The following ITGAV variants were observed in gnomAD, a reference collection of about 807,000 sequenced individuals.
ITGAV encodes integrin alpha-V.
ITGAV carries 76 observed loss-of-function variants against 143.8 expected under a neutral mutation model. The observed-to-expected ratio is 0.53, with a 90% CI of 0.44 to 0.64. ITGAV has a LOEUF of 0.64. Ranked by LOEUF, ITGAV falls within the 30% of genes least tolerant of loss-of-function variation. The pLI, the probability that ITGAV is intolerant of heterozygous loss-of-function variation, is 0.00. For missense variants in ITGAV, 1,193 were observed against 1,274.7 expected, an observed-to-expected ratio of 0.94 and a Z score of 0.98; for synonymous variants, 453 against 446.7, an observed-to-expected ratio of 1.01 and a Z score of -0.18.
chr2:186,633,890 T>C (rs1288414018), intron 6 of ITGAV, among the ~76,000 whole-genome samples: 3 of 152,170 alleles, frequency 2.0e-5, no homozygotes, highest in Admixed American at 2.0e-4. Flanking sequence ...AAGCTGGGCA[T>C]GGTGGCGTGG....
chr2:186,664,883 C>G (rs548473925), intron 20 of ITGAV, among the ~76,000 whole-genome samples: 3 of 152,272 alleles, frequency 2.0e-5, no homozygotes, highest in African/African-American at 7.2e-5. Flanking sequence ...GATAAAGTGT[C>G]TAAGCCTGTC....
At chr2:186,612,004 G>A (rs535685898) in intron 2 of ITGAV, among the ~76,000 whole-genome samples, 3 of 152,270 alleles carry the variant, frequency 2.0e-5, no homozygotes, top group Non-Finnish European at 2.9e-5. Context: ...AAACAAGAAA[G>A]CATTATACCG....
At chr2:186,675,070 G>A (rs777369953) in intron 26 of ITGAV, among the ~76,000 whole-genome samples, 2 of 152,196 alleles carry the variant, frequency 1.3e-5, no homozygotes, top group Admixed American at 6.5e-5. Flanking sequence ...AGTGTGATCA[G>A]CATATAGAAG....
intron 10 of ITGAV, 114 bp downstream of exon 10, chr2:186,638,579 A>T: frequency 1.3e-6 from 1 of 753,364 alleles, no homozygotes. Flanking sequence ...CAAATAGATA[A>T]TTCTTCCAAC....
At chr2:186,621,105 A>G (rs1429950918) in intron 2 of ITGAV, among the ~76,000 whole-genome samples, 1 of 152,188 alleles carries the variant, frequency 6.6e-6, no homozygotes, top group Non-Finnish European at 1.5e-5. Context: ...TAAGACATCT[A>G]TAATTAGAGT....
intron 12 of ITGAV, among the ~76,000 whole-genome samples, chr2:186,646,033 A>G (rs1374241759): frequency 3.3e-5 from 5 of 152,098 alleles, no homozygotes; most frequent in Non-Finnish European, 1.5e-5. Context: ...TGCGGCAATG[A>G]CTTGTCTAGG....
chr2:186,615,823 A>C (rs1191107350), intron 2 of ITGAV, among the ~76,000 whole-genome samples: 1 of 152,096 alleles, frequency 6.6e-6, no homozygotes, highest in East Asian at 1.9e-4. Flanking sequence ...ATTGGCTAAT[A>C]TATCTACTCT....
In ITGAV at chr2:186,667,194, T is replaced by C. The variant is rs556336267; in HGVS notation, c.2291T>C (p.Val764Ala). ...DKVSPVVSHK[V>A]DLAVLAAVEI... ...GTAAGCCCAGTTGTATCTCACAAAGTTGATCTTGCTGTTTTAGCTGCAGTT... is the reference window on the plus strand; with the variant it reads ...GTAAGCCCAGTTGTATCTCACAAAGCTGATCTTGCTGTTTTAGCTGCAGTT... The change falls in exon 23 of 30, where the codon GTT becomes GCT. Residue 764 changes from valine (V) to alanine (A), a missense_variant. Transcript: ENST00000261023. 1 of 1,612,836 alleles carries C rather than the reference T, an allele frequency of 6.2e-7. No individual in the cohort carries two copies. The highest frequency in any genetic ancestry group is 1.1e-5 in the South Asian group (1 of 90,956).
At chr2:186,608,825 A>G (rs944765659) in intron 2 of ITGAV, among the ~76,000 whole-genome samples, 13 of 152,170 alleles carry the variant, frequency 8.5e-5, no homozygotes, top group Non-Finnish European at 1.8e-4. Flanking sequence ...CAGAACAAGA[A>G]TTTATTGGAA....
At chr2:186,609,294 A>G (rs1687148946) in intron 2 of ITGAV, among the ~76,000 whole-genome samples, 1 of 152,206 alleles carries the variant, frequency 6.6e-6, no homozygotes, top group Non-Finnish European at 1.5e-5. Context: ...GTTAGATAGT[A>G]TATCATTTAT....
chr2:186,614,464 T>C (rs1003055402), intron 2 of ITGAV, among the ~76,000 whole-genome samples: 5 of 152,112 alleles, frequency 3.3e-5, no homozygotes, highest in Non-Finnish European at 1.5e-5. Context: ...TTAGAAGTCA[T>C]AGGAATGTGT....
At chr2:186,619,297 C>G (rs1387234620) in intron 2 of ITGAV, among the ~76,000 whole-genome samples, 1 of 151,790 alleles carries the variant, frequency 6.6e-6, no homozygotes, top group African/African-American at 2.4e-5. Flanking sequence ...TGAAATAAGC[C>G]AGGAACAGAA....
Position 186,667,832 on chromosome 2 carries a change from A to G in ITGAV, c.2433+56A>G, listed in dbSNP as rs562320975. On this transcript the variant is annotated intron_variant, in intron 24 of 29. Transcript: ENST00000261023. ...CGTGAGCAAGCCAACGAAGAGAGGA[A>G]CAACTAAGCTACTTTAAAAAAAAAA... The G allele has an allele frequency of 1.8e-5, 19 of 1,070,504 alleles. No homozygotes were observed. In the East Asian group the frequency reaches 3.7e-4, roughly 21 times the overall value. The allele number at this position is 1,070,504 out of a possible 1,614,324, so 66.3% of individuals were successfully genotyped here. A position where few individuals can be genotyped will look rare whatever the true frequency, so the allele number is the denominator to read the frequency against.
intron 12 of ITGAV, among the ~76,000 whole-genome samples, chr2:186,645,719 C>G (rs1460865985): frequency 6.6e-6 from 1 of 152,020 alleles, no homozygotes; most frequent in Non-Finnish European, 1.5e-5. Flanking sequence ...TGTAATCCCC[C>G]CACTTTGGGA....
intron 23 of ITGAV, 152 bp from the exon 24 acceptor site, chr2:186,667,519 T>C (rs562993280): frequency 1.2e-4 from 65 of 524,356 alleles, no homozygotes; most frequent in Admixed American, 7.4e-4. Flanking sequence ...GCAGTTTTTG[T>C]GCATGTGTGT....
chr2:186,630,085 G>T (rs142957448), intron 4 of ITGAV, among the ~76,000 whole-genome samples: 221 of 152,084 alleles, frequency 1.5e-3, no homozygotes, highest in African/African-American at 4.8e-3. Flanking sequence ...ACTAAACGTG[G>T]GAGGATAGCT....
chr2:186,677,812 T>C lies in ITGAV; in HGVS notation c.*520T>C, dbSNP rs115049718. 6.5e-6 allele frequency: 1 copy of C among 153,020 alleles called. No individual in the cohort carries two copies. The highest frequency in any genetic ancestry group is 2.4e-5 in the African/African-American group (1 of 41,574). 9.5% of individuals were successfully genotyped at this position (153,020 alleles called of 1,614,324 possible). A position where few individuals can be genotyped will look rare whatever the true frequency, so the allele number is the denominator to read the frequency against. ...GAACTTGGATTTTTTTAATCACTCA[T>C]ATGGTAGAATTTTATAAACACATAC... On this transcript the variant is annotated 3_prime_UTR_variant, in exon 30 of 30. Coordinates refer to ENST00000261023, the MANE Select transcript of ITGAV (RefSeq NM_002210.5).
chr2:186,669,817 A>G lies in ITGAV; in HGVS notation c.2706+3A>G. The G allele has an allele frequency of 1.3e-6, 2 of 1,588,786 alleles. No homozygotes were observed. Among genetic ancestry groups the G allele is most frequent in the African/African-American group, 1.3e-5 (1 of 74,568 alleles). ...GTGAAGGAGATATTCACACTTTGGTAAGTGCCATTTCAAATATGTGCACCA... is the reference window on the plus strand; with the variant it reads ...GTGAAGGAGATATTCACACTTTGGTGAGTGCCATTTCAAATATGTGCACCA... On this transcript the variant is annotated splice_donor_region_variant and intron_variant, in intron 26 of 29. Transcript: ENST00000261023.
chr2:186,648,800 T>A (rs1261681085), intron 13 of ITGAV, among the ~76,000 whole-genome samples: 1 of 152,062 alleles, frequency 6.6e-6, no homozygotes, highest in Non-Finnish European at 1.5e-5. Context: ...GCCATCAGGT[T>A]GATTCTTAAC....
Sources: allele counts gnomAD v4.1 joint callset (sites outside exome capture counted in the v4.1 genomes callset), GRCh38; gene constraint gnomAD v4.1.1; transcripts MANE v1.5; gene names NCBI Gene and HGNC (gene_info 2026-07-23, HGNC 2026-07-21).